The following DAAM1 variants were observed in gnomAD, a reference collection of about 807,000 sequenced individuals.
DAAM1 encodes the protein dishevelled associated activator of morphogenesis 1, also known as disheveled-associated activator of morphogenesis 1.
A neutral mutation model predicts 130.0 loss-of-function variants in DAAM1; 52 were observed. The observed-to-expected ratio is 0.40, with a 90% CI of 0.32 to 0.50. The LOEUF (loss-of-function observed/expected upper bound fraction) is 0.50. Ranked by LOEUF, DAAM1 falls within the 20% of genes least tolerant of loss-of-function variation. The pLI is 0.61. For missense variants in DAAM1, 1,134 were observed against 1,303.8 expected (o/e 0.87, Z 2.01); for synonymous variants, 452 against 444.5 (o/e 1.02, Z -0.21).
chr14:59,352,736 C>G, intron 18 of DAAM1, 104 bp downstream of exon 18: 2 of 959,814 alleles, frequency 2.1e-6, no homozygotes, highest in Non-Finnish European at 3.1e-6. Flanking sequence ...CCTGGCTTAA[C>G]TTGAAAGCTT....
At chr14:59,208,482 C>T (rs1888329702) in intron 1 of DAAM1, among the ~76,000 whole-genome samples, 1 of 152,196 alleles carries the variant, frequency 6.6e-6, no homozygotes, top group Non-Finnish European at 1.5e-5. Flanking sequence ...GGCAGCTCAC[C>T]AGTTTCACAT....
At chr14:59,219,669 A>T (rs1019211322) in intron 1 of DAAM1, among the ~76,000 whole-genome samples, 2 of 152,246 alleles carry the variant, frequency 1.3e-5, no homozygotes, top group African/African-American at 4.8e-5. Context: ...TCTTAGGTAT[A>T]GTCAAGACTT....
At chr14:59,283,365 T>C (rs995872426) in intron 2 of DAAM1, among the ~76,000 whole-genome samples, 1 of 152,206 alleles carries the variant, frequency 6.6e-6, no homozygotes. Context: ...TTCACATATA[T>C]AATAGCTGTA....
At chr14:59,238,704 G>A (rs2139457805) in intron 1 of DAAM1, among the ~76,000 whole-genome samples, 1 of 152,314 alleles carries the variant, frequency 6.6e-6, no homozygotes, top group East Asian at 1.9e-4. Context: ...CAGATGAACA[G>A]AGTGAGTAAA....
At chr14:59,343,746 G>A (rs1885944084) in intron 16 of DAAM1, among the ~76,000 whole-genome samples, 2 of 152,198 alleles carry the variant, frequency 1.3e-5, no homozygotes, top group Admixed American at 6.5e-5. Context: ...AGAGGCCAAG[G>A]CAGGGAGGAG....
intron 20 of DAAM1, among the ~76,000 whole-genome samples, chr14:59,355,569 T>C (rs1434254369): frequency 1.3e-5 from 2 of 152,242 alleles, no homozygotes; most frequent in Admixed American, 6.5e-5. Flanking sequence ...TTTGGTCCAC[T>C]GGGACATCAT....
chr14:59,289,076 C>G (rs111332285), intron 2 of DAAM1, among the ~76,000 whole-genome samples: 173 of 152,200 alleles, frequency 1.1e-3, no homozygotes, highest in African/African-American at 3.9e-3. Context: ...CCACCACACC[C>G]AGCTAATCTT....
intron 7 of DAAM1, 36 bp from the exon 8 acceptor site, chr14:59,324,315 C>T (rs547876294): frequency 3.3e-6 from 5 of 1,498,360 alleles, no homozygotes; most frequent in Non-Finnish European, 4.5e-6. Context: ...AGTCTAAAAA[C>T]CACAAATATG....
Position 59,324,161 on chromosome 14 carries a change from C to T in DAAM1, c.808C>T (p.Arg270Trp), listed in dbSNP as rs767216734. 8.3e-6 allele frequency: 12 copies of T among 1,446,040 alleles called. No homozygotes were observed. Among genetic ancestry groups the T allele is most frequent in the East Asian group, 2.5e-5 (1 of 39,982 alleles). The allele number at this position is 1,446,040 out of a possible 1,614,324, so 89.6% of individuals were successfully genotyped here. Residue 270 changes from arginine to tryptophan, a missense_variant, in exon 7 of 25, where the codon CGG becomes TGG. Arg to Trp is a moderately radical substitution (Grantham distance 101, BLOSUM62 -3). Around this residue, in one of 3 missense-constraint regions of DAAM1, gnomAD observed 391 missense variants for 521.6 expected, o/e 0.75. Coordinates refer to ENST00000360909, the MANE Select transcript of DAAM1 (RefSeq NM_001270520.2). ...LINDLDKSTG[R>W]YRDEVSLKTA... is the part of the protein sequence containing the mutation. ...TAACGACTTGGATAAAAGCACTGGG[C>T]GGTATCGAGATGAAGTGAGTCTCAA...
At chr14:59,349,891 C>T (rs960711309) in intron 17 of DAAM1, among the ~76,000 whole-genome samples, 3 of 152,054 alleles carry the variant, frequency 2.0e-5, no homozygotes. Context: ...GAACAGGGGA[C>T]AAGTGGGCTC....
chr14:59,356,964 A>C (rs1886505096), intron 20 of DAAM1, among the ~76,000 whole-genome samples: 1 of 152,190 alleles, frequency 6.6e-6, no homozygotes, highest in African/African-American at 2.4e-5. Context: ...GCAGTCACCC[A>C]TGAACGTTGT....
In DAAM1 at chr14:59,288,511, T is replaced by C. The variant is rs1037886802; in HGVS notation, c.184-2706T>C. On this transcript the variant is annotated intron_variant, in intron 2 of 24. Transcript: ENST00000360909. ...AATCAGAGACAATATTTGCAAAGTG[T>C]GCATCTGACAAAGGTCTAATATCCA... Among the ~76,000 whole-genome samples, 4 of 152,120 alleles carry C rather than the reference T, an allele frequency of 2.6e-5. No individual in the cohort carries two copies. In the East Asian group the frequency reaches 7.7e-4, roughly 29 times the overall value.
Position 59,222,465 on chromosome 14 carries a change from G to A in DAAM1, c.-38+33697G>A, listed in dbSNP as rs540587686. Among the ~76,000 whole-genome samples, 98 of 152,310 alleles carry A rather than the reference G, an allele frequency of 6.4e-4. 3 individuals carry two copies. In the South Asian group the frequency reaches 0.019, roughly 29 times the overall value. On this transcript the variant is annotated intron_variant, in intron 1 of 24. Coordinates refer to ENST00000360909, the MANE Select transcript of DAAM1 (RefSeq NM_001270520.2). ...GACCCTGGGGAATGGTGCCATAAAG[G>A]GGGCTCAGTGTTGGTCTTTGCTGCT... is the stretch of plus-strand genomic sequence containing the variant.
At chr14:59,350,177 T>C (rs1886235768) in intron 17 of DAAM1, among the ~76,000 whole-genome samples, 2 of 152,104 alleles carry the variant, frequency 1.3e-5, no homozygotes, top group East Asian at 3.9e-4. Flanking sequence ...CTCCCTGGCA[T>C]CTACTTCTGT....
intron 1 of DAAM1, among the ~76,000 whole-genome samples, chr14:59,214,816 A>G (rs1326133232): frequency 2.6e-5 from 4 of 152,192 alleles, no homozygotes; most frequent in Admixed American, 2.6e-4. Flanking sequence ...GTGTTTAAGT[A>G]TTTGTGCGAA....
At chr14:59,306,178 A>C (rs529568002) in intron 3 of DAAM1, among the ~76,000 whole-genome samples, 89 of 152,124 alleles carry the variant, frequency 5.9e-4, no homozygotes, top group Non-Finnish European at 1.1e-3. Context: ...CTATTGTTGG[A>C]GTAAACTTGG....
intron 1 of DAAM1, among the ~76,000 whole-genome samples, chr14:59,202,614 C>G (rs1888140848): frequency 6.6e-6 from 1 of 152,124 alleles, no homozygotes; most frequent in Admixed American, 6.5e-5. Context: ...GTACAGAAGT[C>G]TTGTTTTACT....
At chr14:59,335,354 G>A (rs1885586237) in intron 15 of DAAM1, among the ~76,000 whole-genome samples, 1 of 152,136 alleles carries the variant, frequency 6.6e-6, no homozygotes, top group Non-Finnish European at 1.5e-5. Flanking sequence ...TCATTTGAAA[G>A]TCAATGTCTT....
In DAAM1 at chr14:59,259,054, C is replaced by T. The variant is rs1453568303; in HGVS notation, c.-37-4387C>T. The stretch of plus-strand genomic sequence containing the variant: ...CTCTGGACTGATTTTTAGATCTTAA[C>T]GTTACCCCCGACTTCTCGCCCCTCC... On this transcript the variant is annotated intron_variant, in intron 1 of 24. Transcript: ENST00000360909. 2.0e-5 allele frequency among the ~76,000 whole-genome samples: 3 copies of T among 152,140 alleles called. No individual in the cohort carries two copies. In the East Asian group the frequency reaches 5.8e-4, roughly 29 times the overall value.
Sources: gnomAD v4.1 joint callset for allele counts (sites outside exome capture counted in the v4.1 genomes callset) on GRCh38, gnomAD v4.1.1 for gene constraint, gnomAD v4.1.1 regional missense constraint, MANE v1.5 for transcripts, NCBI Gene and HGNC (gene_info 2026-07-23, HGNC 2026-07-21) for gene names.